The following CDKAL1 variants were observed in gnomAD, a reference collection of about 807,000 sequenced individuals.
The protein encoded by CDKAL1 is CDKAL1 threonylcarbamoyladenosine tRNA methylthiotransferase.
In CDKAL1, 32 loss-of-function variants were observed where a neutral mutation model predicts 68.2. The observed-to-expected ratio is 0.47, with a 90% CI of 0.35 to 0.63. CDKAL1 has a LOEUF of 0.63. Ranked by LOEUF, CDKAL1 falls within the 30% of genes least tolerant of loss-of-function variation. The pLI, the probability that CDKAL1 is intolerant of heterozygous loss-of-function variation, is 0.00. For missense variants in CDKAL1, 606 were observed against 696.7 expected, an observed-to-expected ratio of 0.87 and a Z score of 1.47; for synonymous variants, 234 against 244.3, an observed-to-expected ratio of 0.96 and a Z score of 0.39.
intron 5 of CDKAL1, among the ~76,000 whole-genome samples, chr6:20,684,576 A>C (rs78533893): frequency 1.1e-3 from 161 of 152,344 alleles, no homozygotes; most frequent in African/African-American, 3.8e-3. Flanking sequence ...TTAGTTTCAG[A>C]GTATGTTCAG....
At chr6:20,750,601 TG>T (rs1245959897) in intron 6 of CDKAL1, among the ~76,000 whole-genome samples, 2 of 152,086 alleles carry the variant, frequency 1.3e-5, no homozygotes, top group Non-Finnish European at 2.9e-5. Flanking sequence ...CTGGACAAGA[TG>T]TACTAGGAAT....
intron 4 of CDKAL1, among the ~76,000 whole-genome samples, chr6:20,549,113 A>T (rs941710626): frequency 2.6e-5 from 4 of 152,120 alleles, no homozygotes; most frequent in Non-Finnish European, 5.9e-5. Context: ...GTCCCACCTT[A>T]CATTTAGTTT....
At chr6:20,997,889 GAA>G (rs937996997) in intron 10 of CDKAL1, among the ~76,000 whole-genome samples, 6 of 151,336 alleles carry the variant, frequency 4.0e-5, no homozygotes, top group Non-Finnish European at 8.9e-5. Context: ...CTTACCAAAA[GAA>G]AAAAAATAAA....
intron 10 of CDKAL1, among the ~76,000 whole-genome samples, chr6:20,984,811 CG>C (rs59755973): frequency 0.3 from 28,071 of 92,286 alleles, 3,463 homozygotes; most frequent in African/African-American, 0.42. Flanking sequence ...GGCACAGTAA[CG>C]GGGGGGGGTG....
intron 11 of CDKAL1, among the ~76,000 whole-genome samples, chr6:21,060,342 T>C (rs1771076969): frequency 6.6e-6 from 1 of 152,204 alleles, no homozygotes; most frequent in Admixed American, 6.5e-5. Flanking sequence ...ATAAGGTTCA[T>C]AGTATTCTTT....
chr6:20,945,707 A>T (rs1221660899), intron 9 of CDKAL1, among the ~76,000 whole-genome samples: 2 of 152,236 alleles, frequency 1.3e-5, no homozygotes, highest in Non-Finnish European at 2.9e-5. Context: ...TTGGATGGAA[A>T]GAAATAAGAA....
At chr6:20,749,458 T>G (rs1040884799) in intron 6 of CDKAL1, among the ~76,000 whole-genome samples, 3 of 152,202 alleles carry the variant, frequency 2.0e-5, no homozygotes, top group Non-Finnish European at 1.5e-5. Flanking sequence ...GTCCCTGGAC[T>G]GATGCTACCT....
At chr6:20,891,822 G>A (rs748505271) in intron 9 of CDKAL1, among the ~76,000 whole-genome samples, 1 of 152,038 alleles carries the variant, frequency 6.6e-6, no homozygotes, top group Non-Finnish European at 1.5e-5. Context: ...CGTGAGCCAC[G>A]GCGCCTGGCC....
chr6:20,863,368 C>G (rs1759746399), intron 9 of CDKAL1, among the ~76,000 whole-genome samples: 1 of 152,152 alleles, frequency 6.6e-6, no homozygotes, highest in South Asian at 2.1e-4. Flanking sequence ...TAGATTTAGA[C>G]AAAGTGATTT....
chr6:21,226,782 G>A (rs1412959436), intron 15 of CDKAL1, among the ~76,000 whole-genome samples: 4 of 152,162 alleles, frequency 2.6e-5, no homozygotes, highest in South Asian at 2.1e-4. Context: ...GCGCGATCTC[G>A]GCTCACTGCA....
At chr6:20,609,535 A>C (rs1325033553) in intron 4 of CDKAL1, among the ~76,000 whole-genome samples, 1 of 151,624 alleles carries the variant, frequency 6.6e-6, no homozygotes. Flanking sequence ...AGCTAGGATT[A>C]CAGGTGTGCA....
At chr6:20,551,126 A>T (rs1484358647) in intron 4 of CDKAL1, among the ~76,000 whole-genome samples, 1 of 151,814 alleles carries the variant, frequency 6.6e-6, no homozygotes, top group East Asian at 1.9e-4. Context: ...TGGCCTCCCA[A>T]AGTGCTGGGA....
At chr6:20,705,549 A>G (rs923576729) in intron 5 of CDKAL1, among the ~76,000 whole-genome samples, 3 of 152,234 alleles carry the variant, frequency 2.0e-5, no homozygotes, top group Non-Finnish European at 2.9e-5. Flanking sequence ...AATTAAATGT[A>G]TACCATTCAG....
chr6:20,875,081 T>C (rs372486649), intron 9 of CDKAL1, among the ~76,000 whole-genome samples: 16 of 151,124 alleles, frequency 1.1e-4, no homozygotes, highest in Middle Eastern at 3.4e-3. Context: ...GGGTGGATCA[T>C]GAGGTCAGGA....
intron 5 of CDKAL1, among the ~76,000 whole-genome samples, chr6:20,733,289 T>C (rs556194895): frequency 5.3e-4 from 81 of 152,358 alleles, no homozygotes; most frequent in African/African-American, 1.9e-3. Flanking sequence ...TTCTAAAGCA[T>C]ATTTCTTCCT....
intron 5 of CDKAL1, among the ~76,000 whole-genome samples, chr6:20,654,554 C>T (rs939899157): frequency 6.6e-6 from 1 of 152,024 alleles, no homozygotes; most frequent in Non-Finnish European, 1.5e-5. Context: ...CCTATATTTT[C>T]TTCTAAAAGT....
chr6:20,599,000 TATATC>T (rs1185011293), intron 4 of CDKAL1, among the ~76,000 whole-genome samples: 2 of 152,070 alleles, frequency 1.3e-5, no homozygotes, highest in African/African-American at 4.8e-5. Flanking sequence ...GGTGTATTGT[TATATC>T]ATTTTATTTA....
intron 4 of CDKAL1, among the ~76,000 whole-genome samples, chr6:20,615,084 C>A (rs1766828913): frequency 7.9e-6 from 1 of 125,890 alleles, no homozygotes; most frequent in Admixed American, 8.3e-5. Context: ...CCAATTTCAT[C>A]CATGTCCCTA....
chr6:20,901,014 C>T (rs1480004124), intron 9 of CDKAL1, among the ~76,000 whole-genome samples: 1 of 151,906 alleles, frequency 6.6e-6, no homozygotes, highest in African/African-American at 2.4e-5. Flanking sequence ...AGGTAATGTC[C>T]ATTGGAGCTC....
Sources: allele counts gnomAD v4.1 joint callset (sites outside exome capture counted in the v4.1 genomes callset), GRCh38; gene constraint gnomAD v4.1.1; transcripts MANE v1.5; gene names NCBI Gene and HGNC (gene_info 2026-07-23, HGNC 2026-07-21).